The following BMPR1A variants were observed in gnomAD, a reference collection of about 807,000 sequenced individuals.
The protein encoded by BMPR1A is bone morphogenetic protein receptor type 1A.
A neutral mutation model predicts 66.0 loss-of-function variants in BMPR1A; 7 were observed. The observed-to-expected ratio is 0.11, with a 90% CI of 0.06 to 0.20. The LOEUF (loss-of-function observed/expected upper bound fraction) is 0.20. Among genes scored for constraint, BMPR1A ranks in the 10% least tolerant of loss-of-function variants. The pLI is 1.00. For synonymous variants in BMPR1A, 200 were observed against 229.7 expected (o/e 0.87, Z 1.17); for missense variants, 408 against 669.1 (o/e 0.61, Z 4.31).
At chr10:86,831,582 C>T (rs1299733470) in intron 1 of BMPR1A, among the ~76,000 whole-genome samples, 6 of 152,016 alleles carry the variant, frequency 3.9e-5, no homozygotes, top group African/African-American at 1.5e-4. Flanking sequence ...ATAGAGAGAC[C>T]TTATTTCTAC....
intron 7 of BMPR1A, 53 bp downstream of exon 7, chr10:86,900,179 A>G (rs1589768357): frequency 1.3e-6 from 2 of 1,559,948 alleles, no homozygotes; most frequent in African/African-American, 1.4e-5. Flanking sequence ...TTAGATGTCA[A>G]CCGCTGTTTG....
intron 2 of BMPR1A, among the ~76,000 whole-genome samples, chr10:86,864,838 C>A (rs564684411): frequency 6.6e-6 from 1 of 152,220 alleles, no homozygotes; most frequent in East Asian, 1.9e-4. Context: ...AATGTTTCTT[C>A]TAACAATCCC....
chr10:86,886,541 C>G (rs760180810), intron 3 of BMPR1A, among the ~76,000 whole-genome samples: 8 of 152,116 alleles, frequency 5.3e-5, no homozygotes, highest in Non-Finnish European at 1.0e-4. Context: ...TGAGGCAAAT[C>G]AAGAGTTCAT....
chr10:86,756,538 T>TGC (rs983854868), upstream of BMPR1A: 8 of 149,370 alleles, frequency 5.4e-5, no homozygotes, highest in South Asian at 2.1e-4. Flanking sequence ...GCCTTCCCAG[T>TGC]GCGCGCGCGC....
At chr10:86,819,493 G>T (rs368159237) in intron 1 of BMPR1A, among the ~76,000 whole-genome samples, 41 of 152,202 alleles carry the variant, frequency 2.7e-4, no homozygotes, top group African/African-American at 9.4e-4. Flanking sequence ...TAGAGATGGG[G>T]TTTCATCATT....
At chr10:86,880,470 G>GTA (rs1380160123) in intron 3 of BMPR1A, among the ~76,000 whole-genome samples, 1 of 152,212 alleles carries the variant, frequency 6.6e-6, no homozygotes, top group Non-Finnish European at 1.5e-5. Flanking sequence ...GTCGAAGACT[G>GTA]TAAGCTTTAA....
chr10:86,806,058 AGGCC>A (rs1464597650), intron 1 of BMPR1A, among the ~76,000 whole-genome samples: 1 of 152,140 alleles, frequency 6.6e-6, no homozygotes, highest in African/African-American at 2.4e-5. Context: ...GAAGAACACC[AGGCC>A]AGTTATTTTC....
chr10:86,799,297 G>A (rs1399020826), intron 1 of BMPR1A, among the ~76,000 whole-genome samples: 1 of 152,116 alleles, frequency 6.6e-6, no homozygotes, highest in African/African-American at 2.4e-5. Flanking sequence ...ATTACAAGTC[G>A]TCTGTAAAAT....
chr10:86,855,139 C>T, intron 2 of BMPR1A: 4 of 361,390 alleles, frequency 1.1e-5, no homozygotes, highest in Non-Finnish European at 2.0e-5. Context: ...CACATCAGGT[C>T]TCGAACTCCT....
chr10:86,793,430 C>T (rs1001248673), intron 1 of BMPR1A, among the ~76,000 whole-genome samples: 1 of 149,188 alleles, frequency 6.7e-6, no homozygotes, highest in South Asian at 2.1e-4. Context: ...ATGGCGTGAT[C>T]TCGGCTCTCT....
chr10:86,800,387 ATTTTTG>A (rs949803432), intron 1 of BMPR1A, among the ~76,000 whole-genome samples: 1 of 151,950 alleles, frequency 6.6e-6, no homozygotes, highest in Non-Finnish European at 1.5e-5. Context: ...AAATAAGGCC[ATTTTTG>A]TTTTTGTTTT....
At chr10:86,838,231 AAATAAT>A (rs533373995) in intron 1 of BMPR1A, among the ~76,000 whole-genome samples, 2 of 152,058 alleles carry the variant, frequency 1.3e-5, no homozygotes, top group African/African-American at 2.4e-5. Context: ...CTTGTCTCAA[AAATAAT>A]AATAATAATA....
At chr10:86,870,610 A>C (rs1364476968) in intron 2 of BMPR1A, among the ~76,000 whole-genome samples, 1 of 152,008 alleles carries the variant, frequency 6.6e-6, no homozygotes, top group African/African-American at 2.4e-5. Context: ...TTTTTTGTAC[A>C]GATGAGGTCT....
chr10:86,771,937 A>G (rs1042292995), intron 1 of BMPR1A, among the ~76,000 whole-genome samples: 2 of 151,630 alleles, frequency 1.3e-5, no homozygotes, highest in Admixed American at 6.6e-5. Context: ...GCTCCAATTT[A>G]TACTTTTTTA....
chr10:86,925,035 G>A lies in BMPR1A; in HGVS notation c.*1316G>A, dbSNP rs1431156491. 1 of 232,044 alleles carries A rather than the reference G, an allele frequency of 4.3e-6. No individual in the cohort carries two copies. 14.4% of individuals were successfully genotyped at this position (232,044 alleles called of 1,614,324 possible). A position where few individuals can be genotyped will look rare whatever the true frequency, so the allele number is the denominator to read the frequency against. On this transcript the variant is annotated 3_prime_UTR_variant, in exon 13 of 13. Transcript: ENST00000372037. ...TTTATCAACTGTCAAATATGTTCTGGACAGCTAAATCATTTGAGATTTTTG... is the reference window on the plus strand; with the variant it reads ...TTTATCAACTGTCAAATATGTTCTGAACAGCTAAATCATTTGAGATTTTTG...
At chr10:86,792,550 CT>C (rs1564686649) in intron 1 of BMPR1A, among the ~76,000 whole-genome samples, 1 of 152,152 alleles carries the variant, frequency 6.6e-6, no homozygotes, top group African/African-American at 2.4e-5. Context: ...AATCCCATCA[CT>C]TTGGGAGGCC....
intron 1 of BMPR1A, among the ~76,000 whole-genome samples, chr10:86,779,273 A>G (rs945563567): frequency 6.6e-6 from 1 of 152,200 alleles, no homozygotes; most frequent in African/African-American, 2.4e-5. Context: ...ATGCTGGATC[A>G]TATGGTAATT....
chr10:86,786,708 A>C (rs1421667707), intron 1 of BMPR1A, among the ~76,000 whole-genome samples: 1 of 152,204 alleles, frequency 6.6e-6, no homozygotes, highest in Non-Finnish European at 1.5e-5. Flanking sequence ...CCAAATTTTA[A>C]ATCTCCAGCC....
intron 2 of BMPR1A, among the ~76,000 whole-genome samples, chr10:86,868,896 G>A (rs1842818911): frequency 6.6e-6 from 1 of 151,192 alleles, no homozygotes; most frequent in Non-Finnish European, 1.5e-5. Context: ...CTGCCTTAAT[G>A]TTATTTTCCT....
Sources: allele counts gnomAD v4.1 joint callset (sites outside exome capture counted in the v4.1 genomes callset), GRCh38; gene constraint gnomAD v4.1.1; transcripts MANE v1.5; gene names NCBI Gene and HGNC (gene_info 2026-07-23, HGNC 2026-07-21).